SEM1: variants seen among roughly 807,000 people sequenced by gnomAD.
SEM1 encodes SEM1 26S proteasome subunit, also known as 26S proteasome complex subunit SEM1.
In SEM1, 3 loss-of-function variants were observed where a neutral mutation model predicts 12.7. The ratio of observed to expected loss-of-function variants is 0.24; its 90% CI spans 0.11 to 0.61. The LOEUF is 0.61. Among genes scored for constraint, SEM1 ranks in the 20% least tolerant of loss-of-function variants. The pLI is 0.88. For missense variants in SEM1, 59 were observed against 81.3 expected, an observed-to-expected ratio of 0.73 and a Z score of 1.06; for synonymous variants, 30 against 27.8, an observed-to-expected ratio of 1.08 and a Z score of -0.25.
At chr7:96,521,797 A>G (rs1413824820) in intron 2 of SEM1, among the ~76,000 whole-genome samples, 1 of 151,982 alleles carries the variant, frequency 6.6e-6, no homozygotes, top group Admixed American at 6.6e-5. Flanking sequence ...AAGTTTTTCC[A>G]TTTCACTGCC....
At chr7:96,518,279 C>G (rs947617005) in intron 2 of SEM1, among the ~76,000 whole-genome samples, 1 of 152,112 alleles carries the variant, frequency 6.6e-6, no homozygotes, top group Non-Finnish European at 1.5e-5. Context: ...CCATTATTAC[C>G]ACTTAGCAAT....
chr7:96,659,926 A>AAAC (rs369583840), intron 2 of SEM1, among the ~76,000 whole-genome samples: 16,178 of 147,506 alleles, frequency 0.11, 1,532 homozygotes, highest in African/African-American at 0.24. Flanking sequence ...AAAAAAAAAA[A>AAAC]AAAACAAAAA....
chr7:96,650,330 CTT>C (rs1333940104), intron 2 of SEM1: 6 of 509,024 alleles, frequency 1.2e-5, no homozygotes, highest in South Asian at 3.1e-5. Flanking sequence ...GAAAAGTCCT[CTT>C]TGTCTTGTGA....
chr7:96,700,622 T>C (rs1451878326), intron 1 of SEM1, among the ~76,000 whole-genome samples: 2 of 152,208 alleles, frequency 1.3e-5, no homozygotes, highest in South Asian at 2.1e-4. Flanking sequence ...TTGAAACTTA[T>C]TTTCCTCTCA....
At position 96,656,187 on chromosome 7, in the gene SEM1, T is replaced by C. The variant is rs1809174140; in HGVS notation, c.171-33544A>G. Among the ~76,000 whole-genome samples, 2 of 152,210 alleles carry C rather than the reference T, an allele frequency of 1.3e-5. 1 individual carries two copies. Among genetic ancestry groups the C allele is most frequent in the South Asian group, 4.1e-4 (2 of 4,832 alleles). On this transcript the variant is annotated intron_variant, in intron 2 of 2. Transcript: ENST00000417009. ...CATTTTTTTGCTGTTGGTGACAGCA[T>C]CTGCTGTACACACAAGATGTTGCCT... is the stretch of plus-strand genomic sequence containing the variant.
intron 2 of SEM1, among the ~76,000 whole-genome samples, chr7:96,556,113 C>G (rs1424152273): frequency 6.6e-6 from 1 of 152,048 alleles, no homozygotes; most frequent in Non-Finnish European, 1.5e-5. Context: ...TTCCTGAATA[C>G]AGCACACTGA....
At chr7:96,491,579 G>A (rs1035392494) in intron 1 of SEM1, among the ~76,000 whole-genome samples, 7 of 152,152 alleles carry the variant, frequency 4.6e-5, no homozygotes, top group African/African-American at 1.7e-4. Flanking sequence ...TTGGGCTAGA[G>A]GCACAGGCAG....
chr7:96,485,639 T>C (rs1802724136), intron 2 of SEM1, among the ~76,000 whole-genome samples: 1 of 141,758 alleles, frequency 7.1e-6, no homozygotes, highest in African/African-American at 2.7e-5. Flanking sequence ...GCCTCCTGGG[T>C]TCAAGTGATT....
At chr7:96,701,348 A>T (rs1790269833) in intron 1 of SEM1, among the ~76,000 whole-genome samples, 1 of 151,828 alleles carries the variant, frequency 6.6e-6, no homozygotes, top group South Asian at 2.1e-4. Flanking sequence ...GGCTCCCATG[A>T]TGGGATTAGT....
At chr7:96,611,988 AC>A (rs538330182) in intron 2 of SEM1, among the ~76,000 whole-genome samples, 333 of 141,480 alleles carry the variant, frequency 2.4e-3, no homozygotes, top group Non-Finnish European at 3.8e-3. Flanking sequence ...TCTCTTCCTT[AC>A]CCCCCCAAAT....
At chr7:96,641,192 A>G (rs1237140811) in intron 2 of SEM1, among the ~76,000 whole-genome samples, 1 of 151,842 alleles carries the variant, frequency 6.6e-6, no homozygotes, top group Non-Finnish European at 1.5e-5. Context: ...ACTTTATATC[A>G]AACACTATAT....
At chr7:96,574,205 G>A (rs913824351) in intron 2 of SEM1, among the ~76,000 whole-genome samples, 23 of 152,140 alleles carry the variant, frequency 1.5e-4, no homozygotes, top group African/African-American at 5.1e-4. Flanking sequence ...TTGTCCTTGT[G>A]ATAGTTTGCT....
intron 2 of SEM1, among the ~76,000 whole-genome samples, chr7:96,520,952 T>C (rs184366155): frequency 5.9e-5 from 9 of 152,188 alleles, no homozygotes; most frequent in Admixed American, 3.3e-4. Context: ...CCCGTAATTC[T>C]CAAGGTCAGA....
At chr7:96,552,759 G>A (rs1467344915) in intron 2 of SEM1, among the ~76,000 whole-genome samples, 1 of 152,114 alleles carries the variant, frequency 6.6e-6, no homozygotes, top group African/African-American at 2.4e-5. Flanking sequence ...AGATCCCTGA[G>A]GAATCGCCAC....
In SEM1 at chr7:96,585,991, A is replaced by T. The variant is rs867832084; in HGVS notation, c.171-79293T>A. Among the ~76,000 whole-genome samples the T allele has an allele frequency of 3.3e-5, 5 of 152,226 alleles. No individual in the cohort carries two copies. In the Middle Eastern group the frequency reaches 0.01, roughly 311 times the overall value. The stretch of plus-strand genomic sequence containing the variant: ...TCCTATTACTCACCTTTCAATTTTT[A>T]AAATTATTTCAGTTTTAAAAAAGTA... On this transcript the variant is annotated intron_variant and NMD_transcript_variant, in intron 2 of 3. Coordinates refer to the SEM1 transcript ENST00000466986.
intron 2 of SEM1, among the ~76,000 whole-genome samples, chr7:96,573,237 C>G (rs1189372595): frequency 1.3e-5 from 2 of 152,016 alleles, no homozygotes; most frequent in African/African-American, 4.8e-5. Flanking sequence ...TCGACTCTAT[C>G]CCATTTGCCA....
intron 2 of SEM1, among the ~76,000 whole-genome samples, chr7:96,648,395 A>T (rs1808870133): frequency 6.6e-6 from 1 of 152,202 alleles, no homozygotes; most frequent in Non-Finnish European, 1.5e-5. Context: ...CAAAGCTGAA[A>T]AAACTGACAG....
chr7:96,689,356 A>C (rs1789858310), intron 2 of SEM1, among the ~76,000 whole-genome samples: 1 of 152,148 alleles, frequency 6.6e-6, no homozygotes, highest in Non-Finnish European at 1.5e-5. Flanking sequence ...ATCACTATCA[A>C]ACCTTTAGGG....
intron 2 of SEM1, among the ~76,000 whole-genome samples, chr7:96,691,646 C>T (rs1789936742): frequency 6.6e-6 from 1 of 152,206 alleles, no homozygotes; most frequent in Admixed American, 6.5e-5. Context: ...ACAGAAAAGA[C>T]TAGGAAGAAT....
Sources: allele counts gnomAD v4.1 joint callset (sites outside exome capture counted in the v4.1 genomes callset), GRCh38; gene constraint gnomAD v4.1.1; transcripts MANE v1.5; gene names NCBI Gene and HGNC (gene_info 2026-07-23, HGNC 2026-07-21).